The following LYPLAL1 variants were observed in gnomAD, a reference collection of about 807,000 sequenced individuals.
LYPLAL1 encodes lysophospholipase like 1, also known as lysophospholipase-like protein 1.
In LYPLAL1, 23 loss-of-function variants were observed where a neutral mutation model predicts 19.7. That is an observed-to-expected ratio of 1.17 (90% CI 0.84 to 1.65). The LOEUF (loss-of-function observed/expected upper bound fraction) is 1.65. LYPLAL1 is among the 40% of genes most tolerant of loss of function. LYPLAL1 has a pLI of 0.00. For synonymous variants in LYPLAL1, 119 were observed against 96.3 expected, an observed-to-expected ratio of 1.24 and a Z score of -1.38; for missense variants, 355 against 279.4, an observed-to-expected ratio of 1.27 and a Z score of -1.93.
chr1:219,345,860 C>G, the LYPLAL1 span, among the ~76,000 whole-genome samples: 2 of 152,206 alleles, frequency 1.3e-5, no homozygotes, highest in Admixed American at 1.3e-4. Context: ...CCAATGCTGT[C>G]CCTGTCTTCC....
chr1:219,189,525 G>C (rs1471668061), intron 2 of LYPLAL1, among the ~76,000 whole-genome samples: 1 of 151,606 alleles, frequency 6.6e-6, no homozygotes, highest in Non-Finnish European at 1.5e-5. Flanking sequence ...AGGAAGGTTT[G>C]AATGCTTTCT....
At chr1:219,234,091 A>G in the LYPLAL1 span, among the ~76,000 whole-genome samples, 3 of 152,308 alleles carry the variant, frequency 2.0e-5, 1 homozygote, top group East Asian at 5.8e-4. Flanking sequence ...TTCATTAAAC[A>G]TCCTGGTCCC....
In LYPLAL1 at chr1:219,211,826, C is replaced by A. The variant is rs1327412490; in HGVS notation, c.*98C>A. The A allele has an allele frequency of 1.3e-6, 1 of 775,670 alleles. No homozygotes were observed. The highest frequency in any genetic ancestry group is 2.8e-5 in the East Asian group (1 of 36,222). 48.0% of individuals were successfully genotyped at this position (775,670 alleles called of 1,614,324 possible). On this transcript the variant is annotated 3_prime_UTR_variant, in exon 5 of 5. Transcript: ENST00000366928. ...TGATAATTAAAATATTAAGAAATAACACTTTCCTGACTTTTTTATTATTAA... is the reference window on the plus strand; with the variant it reads ...TGATAATTAAAATATTAAGAAATAAAACTTTCCTGACTTTTTTATTATTAA...
intron 2 of LYPLAL1, among the ~76,000 whole-genome samples, chr1:219,191,479 G>GA (rs1337418253): frequency 6.6e-6 from 1 of 151,442 alleles, no homozygotes; most frequent in Non-Finnish European, 1.5e-5. Context: ...ATTGTTGAAG[G>GA]AAAAAAGCAT....
the LYPLAL1 span, among the ~76,000 whole-genome samples, chr1:219,229,533 G>A: frequency 3.9e-5 from 6 of 152,264 alleles, no homozygotes; most frequent in East Asian, 3.9e-4. Flanking sequence ...GGTAAACCAG[G>A]GCAAAATCCC....
chr1:219,213,608 CT>C (rs1450901705), downstream of LYPLAL1, among the ~76,000 whole-genome samples: 1 of 151,950 alleles, frequency 6.6e-6, no homozygotes, highest in Non-Finnish European at 1.5e-5. Context: ...GTTTTTGAGG[CT>C]TTCTCCATAT....
At chr1:219,348,968 C>T in the LYPLAL1 span, among the ~76,000 whole-genome samples, 1 of 152,224 alleles carries the variant, frequency 6.6e-6, no homozygotes, top group Non-Finnish European at 1.5e-5. Context: ...GCTATTATAT[C>T]ATTGACTGCT....
chr1:219,268,949 T>C, the LYPLAL1 span, among the ~76,000 whole-genome samples: 2 of 152,234 alleles, frequency 1.3e-5, no homozygotes, highest in African/African-American at 4.8e-5. Flanking sequence ...TGTGAAGTAA[T>C]TGTTTATTCT....
At chr1:219,259,680 TG>T in the LYPLAL1 span, among the ~76,000 whole-genome samples, 1 of 151,350 alleles carries the variant, frequency 6.6e-6, no homozygotes, top group African/African-American at 2.4e-5. Flanking sequence ...GACTATACCC[TG>T]GGTATAGGGT....
At chr1:219,369,205 T>TTG in the LYPLAL1 span, among the ~76,000 whole-genome samples, 1 of 152,260 alleles carries the variant, frequency 6.6e-6, no homozygotes, top group African/African-American at 2.4e-5. Context: ...ATCTGTCATC[T>TTG]TGTGTATAAA....
intron 3 of LYPLAL1, among the ~76,000 whole-genome samples, chr1:219,197,758 A>G (rs1000477512): frequency 3.9e-5 from 6 of 152,180 alleles, no homozygotes; most frequent in Non-Finnish European, 5.9e-5. Context: ...CAGAATCTAC[A>G]AGGAACTTAA....
chr1:219,420,959 G>T, the LYPLAL1 span, among the ~76,000 whole-genome samples: 1 of 152,058 alleles, frequency 6.6e-6, no homozygotes, highest in African/African-American at 2.4e-5. Context: ...TTTTAATTTG[G>T]AAATATATCA....
At chr1:219,410,339 G>A in the LYPLAL1 span, 4 of 152,262 alleles carry the variant, frequency 2.6e-5, no homozygotes, top group Admixed American at 2.6e-4. Flanking sequence ...TTATTAAACA[G>A]AACGTAGTTT....
the LYPLAL1 span, among the ~76,000 whole-genome samples, chr1:219,284,419 G>A: frequency 1.3e-5 from 2 of 152,004 alleles, no homozygotes. Context: ...TTGAGGTGAT[G>A]GATACCCCAT....
the LYPLAL1 span, among the ~76,000 whole-genome samples, chr1:219,389,591 C>T: frequency 0.011 from 1,682 of 152,240 alleles, 34 homozygotes; most frequent in African/African-American, 0.037. Context: ...CCAAAGTAAT[C>T]GGCTCAGAAT....
At chr1:219,177,860 A>T (rs1198150870) in intron 1 of LYPLAL1, among the ~76,000 whole-genome samples, 1 of 152,170 alleles carries the variant, frequency 6.6e-6, no homozygotes, top group Admixed American at 6.5e-5. Flanking sequence ...TGACTTCTTC[A>T]TGAACAGATT....
chr1:219,228,413 A>G, the LYPLAL1 span, among the ~76,000 whole-genome samples: 1 of 152,242 alleles, frequency 6.6e-6, no homozygotes, highest in Non-Finnish European at 1.5e-5. Flanking sequence ...TGAGAAAATC[A>G]ATGCTGGGTA....
chr1:219,428,911 A>G, the LYPLAL1 span, among the ~76,000 whole-genome samples: 2 of 151,564 alleles, frequency 1.3e-5, no homozygotes, highest in Admixed American at 6.6e-5. Flanking sequence ...ACAGACTATT[A>G]TAGCAGGGTG....
At chr1:219,433,047 A>G in the LYPLAL1 span, among the ~76,000 whole-genome samples, 1 of 152,140 alleles carries the variant, frequency 6.6e-6, no homozygotes, top group African/African-American at 2.4e-5. Context: ...CAGATGCAGG[A>G]CCCTGGAAAG....
Sources: gnomAD v4.1 joint callset for allele counts (sites outside exome capture counted in the v4.1 genomes callset) on GRCh38, gnomAD v4.1.1 for gene constraint, MANE v1.5 for transcripts, NCBI Gene and HGNC (gene_info 2026-07-23, HGNC 2026-07-21) for gene names.